Variants in VTI1A observed in about 807,000 individuals in gnomAD.
The protein encoded by VTI1A is vesicle transport through interaction with t-SNAREs homolog 1A.
Under a neutral mutation model 34.9 loss-of-function variants are expected in VTI1A, and 22 were observed. The ratio of observed to expected loss-of-function variants is 0.63; its 90% confidence interval spans 0.45 to 0.90. The LOEUF is 0.90. Among genes scored for constraint, VTI1A ranks in the 40% least tolerant of loss-of-function variants. The pLI, the probability that VTI1A is intolerant of heterozygous loss-of-function variation, is 0.00. For missense variants in VTI1A, 268 were observed against 275.6 expected (o/e 0.97, Z 0.20); for synonymous variants, 87 against 97.3 (o/e 0.89, Z 0.62).
chr10:112,566,805 T>C (rs1262533257), intron 5 of VTI1A, among the ~76,000 whole-genome samples: 1 of 152,222 alleles, frequency 6.6e-6, no homozygotes, highest in Non-Finnish European at 1.5e-5. Flanking sequence ...TCCATCACTC[T>C]ATATGTGAAT....
At chr10:112,830,849 A>ATATATATATATATATATATATATTTTTT in the VTI1A span, among the ~76,000 whole-genome samples, 1 of 33,494 alleles carries the variant, frequency 3.0e-5, no homozygotes, top group Non-Finnish European at 4.9e-5. Context: ...ATATATATAT[A>ATATATATATATATATATATATATTTTTT]TTTTTTTTTT....
chr10:112,706,141 G>A (rs1368499950), intron 7 of VTI1A, among the ~76,000 whole-genome samples: 2 of 152,082 alleles, frequency 1.3e-5, no homozygotes, highest in African/African-American at 2.4e-5. Flanking sequence ...CCTCTCCCAC[G>A]TCCTCAGAGA....
chr10:112,625,207 T>C (rs1187250951), intron 5 of VTI1A, among the ~76,000 whole-genome samples: 3 of 152,220 alleles, frequency 2.0e-5, no homozygotes, highest in Non-Finnish European at 4.4e-5. Context: ...TGTGTTTGAG[T>C]GTAAAAGACT....
chr10:112,692,402 G>A lies in VTI1A; in HGVS notation c.560+23404G>A, dbSNP rs61872392. On this transcript the variant is annotated intron_variant, in intron 7 of 7. Coordinates refer to ENST00000393077, the MANE Select transcript of VTI1A (RefSeq NM_145206.4). ...CCATGTCAGTGTCTTTCCCCTCCCT[G>A]CACCTTCATGGAAGCACACACTTCT... Among the ~76,000 whole-genome samples the A allele has an allele frequency of 7.6e-3, 1,154 of 152,274 alleles. 8 individuals carry two copies. Among genetic ancestry groups the A allele is most frequent in the East Asian group, 0.025 (129 of 5,184 alleles).
At chr10:112,507,144 C>T (rs557064533) in intron 3 of VTI1A, among the ~76,000 whole-genome samples, 67 of 152,210 alleles carry the variant, frequency 4.4e-4, no homozygotes, top group Non-Finnish European at 7.6e-4. Context: ...GGACTGTGTA[C>T]GGCTTTTTAA....
intron 1 of VTI1A, among the ~76,000 whole-genome samples, chr10:112,455,004 G>T (rs1847384007): frequency 1.3e-5 from 2 of 152,056 alleles, no homozygotes; most frequent in South Asian, 4.2e-4. Flanking sequence ...AGTTACAAAG[G>T]TCTGAATCCT....
chr10:112,669,077 C>T (rs561643248), intron 7 of VTI1A, 79 bp downstream of exon 7: 2 of 1,514,910 alleles, frequency 1.3e-6, no homozygotes, highest in African/African-American at 1.4e-5. Flanking sequence ...TGCAATGGGG[C>T]ATATTACATG....
At chr10:112,625,622 A>G (rs1042616553) in intron 5 of VTI1A, among the ~76,000 whole-genome samples, 3 of 87,852 alleles carry the variant, frequency 3.4e-5, no homozygotes, top group Admixed American at 1.6e-4. Context: ...TCTGGGCAAC[A>G]AGAGTGAAAC....
At chr10:112,530,720 G>A (rs557014955) in intron 4 of VTI1A, among the ~76,000 whole-genome samples, 15 of 152,110 alleles carry the variant, frequency 9.9e-5, no homozygotes, top group Non-Finnish European at 1.8e-4. Context: ...TTCTGATTTG[G>A]GCTTGCTGTG....
At chr10:112,844,973 C>G in the VTI1A span, among the ~76,000 whole-genome samples, 1 of 152,142 alleles carries the variant, frequency 6.6e-6, no homozygotes, top group African/African-American at 2.4e-5. Flanking sequence ...GAATAGGAAC[C>G]CTTCTGTTCC....
intron 3 of VTI1A, among the ~76,000 whole-genome samples, chr10:112,494,276 CTG>C (rs1296304050): frequency 6.6e-6 from 1 of 151,936 alleles, no homozygotes; most frequent in African/African-American, 2.4e-5. Context: ...TCTGTAGTGT[CTG>C]TAACAAATGT....
the VTI1A span, among the ~76,000 whole-genome samples, chr10:112,848,905 A>G: frequency 6.6e-6 from 1 of 152,226 alleles, no homozygotes; most frequent in South Asian, 2.1e-4. Context: ...GTAGGGGGTC[A>G]TCTTTCATGG....
intron 7 of VTI1A, among the ~76,000 whole-genome samples, chr10:112,760,759 T>G (rs917137631): frequency 6.6e-5 from 10 of 151,850 alleles, no homozygotes; most frequent in East Asian, 3.9e-4. Flanking sequence ...CATGGTGGTG[T>G]GCGCCTGTAA....
At chr10:112,571,160 A>G (rs752954528) in intron 5 of VTI1A, among the ~76,000 whole-genome samples, 1 of 152,214 alleles carries the variant, frequency 6.6e-6, no homozygotes, top group Non-Finnish European at 1.5e-5. Flanking sequence ...CTTATTCAAA[A>G]TGCCATACTG....
At chr10:112,577,492 C>G (rs1472078626) in intron 5 of VTI1A, among the ~76,000 whole-genome samples, 1 of 152,006 alleles carries the variant, frequency 6.6e-6, no homozygotes, top group African/African-American at 2.4e-5. Context: ...TTTTGGGAAA[C>G]TAAGTCCAGG....
At chr10:112,643,308 A>G (rs1296344683) in intron 5 of VTI1A, among the ~76,000 whole-genome samples, 1 of 151,824 alleles carries the variant, frequency 6.6e-6, no homozygotes, top group East Asian at 1.9e-4. Context: ...CTCTCTGAGC[A>G]TGTTTTCTAT....
chr10:112,740,873 T>A (rs555313733), intron 7 of VTI1A, among the ~76,000 whole-genome samples: 1 of 152,296 alleles, frequency 6.6e-6, no homozygotes, highest in East Asian at 1.9e-4. Context: ...AACTTATACA[T>A]GAATATTTAT....
At chr10:112,841,166 A>G in the VTI1A span, among the ~76,000 whole-genome samples, 1 of 152,062 alleles carries the variant, frequency 6.6e-6, no homozygotes, top group African/African-American at 2.4e-5. Context: ...TTCCTAGGGG[A>G]TACTAAAGAC....
intron 7 of VTI1A, among the ~76,000 whole-genome samples, chr10:112,679,002 A>C (rs1339783423): frequency 1.3e-5 from 2 of 152,154 alleles, no homozygotes; most frequent in African/African-American, 4.8e-5. Flanking sequence ...ATATAAAATT[A>C]GTTTTTTATT....
Sources: allele counts gnomAD v4.1 joint callset (sites outside exome capture counted in the v4.1 genomes callset), GRCh38; gene constraint gnomAD v4.1.1; transcripts MANE v1.5; gene names NCBI Gene and HGNC (gene_info 2026-07-23, HGNC 2026-07-21).